PTPRM: variants seen among roughly 807,000 people sequenced by gnomAD.
PTPRM encodes receptor-type tyrosine-protein phosphatase mu.
Under a neutral mutation model 186.7 loss-of-function variants are expected in PTPRM, and 47 were observed. The observed-to-expected ratio is 0.25, with a 90% confidence interval of 0.20 to 0.32. The LOEUF is 0.32. PTPRM is among the 10% of genes least tolerant of loss of function. The probability of loss-of-function intolerance (pLI) is 1.00; values close to 1 mark genes in which losing one functional copy is unlikely to be tolerated. For missense variants in PTPRM, 1,494 were observed against 1,865.0 expected, an observed-to-expected ratio of 0.80 and a Z score of 3.66; for synonymous variants, 668 against 674.9, an observed-to-expected ratio of 0.99 and a Z score of 0.16.
intron 13 of PTPRM, among the ~76,000 whole-genome samples, chr18:8,135,856 A>G (rs541435893): frequency 1.3e-5 from 2 of 152,318 alleles, no homozygotes; most frequent in East Asian, 3.9e-4. Flanking sequence ...AAATACTGAT[A>G]CTTCTAGCAA....
chr18:7,699,195 C>T (rs2039907596), intron 1 of PTPRM, among the ~76,000 whole-genome samples: 1 of 152,186 alleles, frequency 6.6e-6, no homozygotes, highest in African/African-American at 2.4e-5. Flanking sequence ...GGAACAGTTT[C>T]ATCCCATGGA....
rs536723277 is a variant in PTPRM, at chr18:7,650,574, C to T, written c.73+82683C>T. On this transcript the variant is annotated intron_variant, in intron 1 of 32. Coordinates refer to ENST00000580170, the MANE Select transcript of PTPRM (RefSeq NM_001105244.2). The stretch of plus-strand genomic sequence containing the variant: ...GAGCCTTAAAAGTTTATTTGAAGCA[C>T]GTAACAGTATTTTTCTTTACCCTGA... Among the ~76,000 whole-genome samples, 7 of 151,344 alleles carry T rather than the reference C, an allele frequency of 4.6e-5. No homozygotes were observed. The South Asian group carries it at 6.3e-4, about 14-fold the overall frequency.
rs1251193963 is a variant in PTPRM, at chr18:8,178,136, C to T, written c.2300+34357C>T. Among the ~76,000 whole-genome samples the T allele has an allele frequency of 3.3e-5, 5 of 152,112 alleles. No homozygotes were observed. In the South Asian group the frequency reaches 8.3e-4, roughly 25 times the overall value. On this transcript the variant is annotated intron_variant, in intron 14 of 32. Coordinates refer to ENST00000580170, the MANE Select transcript of PTPRM (RefSeq NM_001105244.2). ...ATGTTGGGTGCATGGAGTTGCTAGC[C>T]GATTCTAGTATGTGCCTAGAATTAG...
chr18:8,327,062 A>G (rs2095381792), intron 22 of PTPRM, among the ~76,000 whole-genome samples: 1 of 152,236 alleles, frequency 6.6e-6, no homozygotes, highest in Non-Finnish European at 1.5e-5. Flanking sequence ...AGCTAGTGAC[A>G]TGAACTTTTC....
chr18:8,394,120 C>T (rs572465674), intron 31 of PTPRM, among the ~76,000 whole-genome samples: 18 of 152,250 alleles, frequency 1.2e-4, no homozygotes, highest in South Asian at 2.1e-4. Flanking sequence ...AGGCCAGATA[C>T]GTCTTTGAAC....
rs963850836 is a variant in PTPRM at position 7,988,719 on chromosome 18, T to A, written c.1132+33305T>A. On this transcript the variant is annotated intron_variant, in intron 7 of 32. Coordinates refer to ENST00000580170, the MANE Select transcript of PTPRM (RefSeq NM_001105244.2). ...GCATGATATTTTCAAGATCTATTCA[T>A]GTTGGTAGCATATATTAAAATTTCC... Among the ~76,000 whole-genome samples, 3 of 152,224 alleles carry A rather than the reference T, an allele frequency of 2.0e-5. No individual in the cohort carries two copies. In the East Asian group the frequency reaches 5.8e-4, roughly 29 times the overall value.
chr18:7,582,141 T>G (rs2036862370), intron 1 of PTPRM, among the ~76,000 whole-genome samples: 1 of 152,140 alleles, frequency 6.6e-6, no homozygotes, highest in South Asian at 2.1e-4. Context: ...ACCTCAAAAC[T>G]TAGTGACCTA....
intron 1 of PTPRM, among the ~76,000 whole-genome samples, chr18:7,632,101 G>A (rs1008849946): frequency 1.3e-5 from 2 of 152,198 alleles, no homozygotes; most frequent in African/African-American, 4.8e-5. Flanking sequence ...TTAGAAGGTT[G>A]GTCCAGTATG....
At chr18:7,652,485 A>G (rs574190207) in intron 1 of PTPRM, among the ~76,000 whole-genome samples, 1 of 152,214 alleles carries the variant, frequency 6.6e-6, no homozygotes, top group East Asian at 1.9e-4. Context: ...TCACAAAAGC[A>G]AAGACTTGGA....
chr18:8,318,477 T>G (rs1372522414), intron 21 of PTPRM, among the ~76,000 whole-genome samples: 6 of 151,592 alleles, frequency 4.0e-5, no homozygotes, highest in African/African-American at 7.3e-5. Flanking sequence ...TTGTATTTTT[T>G]GTAGAGATGG....
chr18:7,745,638 A>G (rs2040970580), intron 1 of PTPRM, among the ~76,000 whole-genome samples: 1 of 152,346 alleles, frequency 6.6e-6, no homozygotes, highest in African/African-American at 2.4e-5. Context: ...TGCCCCTAGC[A>G]TATGTACTTG....
intron 8 of PTPRM, among the ~76,000 whole-genome samples, chr18:8,075,588 A>G (rs1401171745): frequency 6.6e-6 from 1 of 152,134 alleles, no homozygotes; most frequent in Non-Finnish European, 1.5e-5. Flanking sequence ...ATTGAATATT[A>G]TTTTATAGAA....
chr18:7,751,145 CTT>C (rs1373048782), intron 1 of PTPRM: 1 of 152,204 alleles, frequency 6.6e-6, no homozygotes, highest in African/African-American at 2.4e-5. Context: ...GTCAATGTCA[CTT>C]TGTTCCCAGC....
At chr18:8,024,279 T>C (rs1313718979) in intron 7 of PTPRM, among the ~76,000 whole-genome samples, 1 of 152,198 alleles carries the variant, frequency 6.6e-6, no homozygotes, top group Non-Finnish European at 1.5e-5. Flanking sequence ...ACTGAAAATT[T>C]AGATGTCACA....
chr18:8,033,333 A>G (rs1037332407), intron 7 of PTPRM, among the ~76,000 whole-genome samples: 1 of 152,218 alleles, frequency 6.6e-6, no homozygotes, highest in Non-Finnish European at 1.5e-5. Flanking sequence ...CATACACTGT[A>G]TGTATCATGA....
At chr18:7,679,640 C>T (rs964959720) in intron 1 of PTPRM, among the ~76,000 whole-genome samples, 2 of 151,962 alleles carry the variant, frequency 1.3e-5, no homozygotes, top group African/African-American at 2.4e-5. Flanking sequence ...AGTCCAGCCT[C>T]GGCGACAGAG....
At chr18:7,755,559 G>A (rs1408564131) in intron 1 of PTPRM, among the ~76,000 whole-genome samples, 1 of 152,156 alleles carries the variant, frequency 6.6e-6, no homozygotes, top group Non-Finnish European at 1.5e-5. Context: ...TATGAGGATA[G>A]GTATAAGAAT....
chr18:7,769,414 G>A (rs1381611498), intron 1 of PTPRM, among the ~76,000 whole-genome samples: 5 of 152,070 alleles, frequency 3.3e-5, no homozygotes, highest in Admixed American at 1.3e-4. Context: ...AACAAGTCCT[G>A]GGTAAATGTT....
At chr18:7,811,370 C>T (rs2044505385) in intron 2 of PTPRM, among the ~76,000 whole-genome samples, 1 of 152,154 alleles carries the variant, frequency 6.6e-6, no homozygotes, top group Non-Finnish European at 1.5e-5. Flanking sequence ...ACTCTCTCCC[C>T]ACCCCGAGAT....
Sources: allele counts gnomAD v4.1 joint callset (sites outside exome capture counted in the v4.1 genomes callset), GRCh38; gene constraint gnomAD v4.1.1; transcripts MANE v1.5; gene names NCBI Gene and HGNC (gene_info 2026-07-23, HGNC 2026-07-21).